Variants in KAZN observed in about 807,000 individuals in gnomAD.
The protein encoded by KAZN is kazrin, periplakin interacting protein, also known as kazrin.
A neutral mutation model predicts 87.4 loss-of-function variants in KAZN; 40 were observed. That is an observed-to-expected ratio of 0.46 (90% CI 0.36 to 0.60). The LOEUF (loss-of-function observed/expected upper bound fraction) is 0.60. Ranked by LOEUF, KAZN falls within the 20% of genes least tolerant of loss-of-function variation. KAZN has a pLI of 0.00. For synonymous variants in KAZN, 466 were observed against 458.3 expected, an observed-to-expected ratio of 1.02 and a Z score of -0.22; for missense variants, 898 against 1,073.9, an observed-to-expected ratio of 0.84 and a Z score of 2.29.
intron 1 of KAZN, among the ~76,000 whole-genome samples, chr1:14,751,611 G>C (rs2100493229): frequency 1.3e-5 from 2 of 152,290 alleles, no homozygotes; most frequent in Middle Eastern, 3.4e-3. Context: ...TCCAGGGCTT[G>C]GACTTGAATC....
chr1:15,112,544 AAGT>A lies in KAZN; in HGVS notation c.2163+4_2163+6del. The A allele has an allele frequency of 6.8e-7, 1 of 1,480,104 alleles. No homozygotes were observed. The highest frequency in any genetic ancestry group is 9.2e-7 in the Non-Finnish European group (1 of 1,090,556). The allele number at this position is 1,480,104 out of a possible 1,614,324, so 91.7% of individuals were successfully genotyped here. On this transcript the variant is annotated splice_donor_5th_base_variant and intron_variant, in intron 14 of 14. Coordinates refer to ENST00000376030, the MANE Select transcript of KAZN (RefSeq NM_201628.3). ...GTCTCAAGTACAAGGCTGGCCGGGT[AAGT>A]CTCTCAATGGATTTACCTGTGAGTC...
chr1:13,902,508 G>A (rs1458672639), intron 1 of KAZN, among the ~76,000 whole-genome samples: 1 of 152,198 alleles, frequency 6.6e-6, no homozygotes, highest in African/African-American at 2.4e-5. Context: ...TTTATCACTT[G>A]TGTTCCCAAA....
intron 2 of KAZN, among the ~76,000 whole-genome samples, chr1:14,588,253 C>A (rs1387059660): frequency 1.3e-5 from 2 of 152,134 alleles, no homozygotes; most frequent in African/African-American, 4.8e-5. Flanking sequence ...TTGAATCTAC[C>A]AGCTCATTTA....
At chr1:14,354,645 GACACACACACACACACAC>G (rs71570202) in intron 2 of KAZN, among the ~76,000 whole-genome samples, 135 of 141,466 alleles carry the variant, frequency 9.5e-4, no homozygotes, top group African/African-American at 3.0e-3. Context: ...AGCTAAATTA[GACACACACACACACACAC>G]ACACACACAC....
At chr1:13,944,517 T>G (rs1641060892) in intron 1 of KAZN, among the ~76,000 whole-genome samples, 1 of 152,228 alleles carries the variant, frequency 6.6e-6, no homozygotes, top group Non-Finnish European at 1.5e-5. Context: ...TATTATGATA[T>G]GTAAGATATA....
At chr1:14,390,312 AG>A (rs1557684262) in intron 2 of KAZN, among the ~76,000 whole-genome samples, 3 of 152,240 alleles carry the variant, frequency 2.0e-5, no homozygotes, top group African/African-American at 7.2e-5. Context: ...AATAAGATTA[AG>A]AAAAATGTAC....
intron 1 of KAZN, among the ~76,000 whole-genome samples, chr1:14,117,241 T>TC (rs971371328): frequency 2.0e-5 from 3 of 152,210 alleles, no homozygotes; most frequent in African/African-American, 7.2e-5. Context: ...CATCCAAATC[T>TC]CATCTTGAAT....
intron 1 of KAZN, among the ~76,000 whole-genome samples, chr1:13,934,122 C>T (rs1640631730): frequency 6.6e-6 from 1 of 152,168 alleles, no homozygotes; most frequent in Non-Finnish European, 1.5e-5. Context: ...AGAATAGATG[C>T]ATAAAATAGA....
At chr1:14,661,283 C>T (rs924819438) in intron 1 of KAZN, among the ~76,000 whole-genome samples, 8 of 152,202 alleles carry the variant, frequency 5.3e-5, no homozygotes, top group Admixed American at 2.6e-4. Context: ...TCCATCTGAG[C>T]GGTCTGTAGC....
chr1:14,888,858 C>T (rs917843016), intron 1 of KAZN, among the ~76,000 whole-genome samples: 3 of 152,186 alleles, frequency 2.0e-5, no homozygotes, highest in Admixed American at 6.5e-5. Flanking sequence ...AAGCCTATAT[C>T]TAGGACATTG....
intron 2 of KAZN, among the ~76,000 whole-genome samples, chr1:14,253,222 A>G (rs1441745606): frequency 6.6e-6 from 1 of 152,026 alleles, no homozygotes; most frequent in East Asian, 1.9e-4. Context: ...TTGGTGAAGC[A>G]CTAAGCTTTT....
intron 1 of KAZN, among the ~76,000 whole-genome samples, chr1:13,989,507 A>G (rs1639181138): frequency 6.6e-6 from 1 of 152,220 alleles, no homozygotes; most frequent in Non-Finnish European, 1.5e-5. Context: ...ATCTGCCTAC[A>G]TAGACATAGG....
At chr1:15,073,637 A>T (rs892456000) in intron 8 of KAZN, among the ~76,000 whole-genome samples, 1 of 152,130 alleles carries the variant, frequency 6.6e-6, no homozygotes, top group African/African-American at 2.4e-5. Flanking sequence ...CTGCAGCAGC[A>T]CCCACACTGC....
intron 2 of KAZN, among the ~76,000 whole-genome samples, chr1:14,334,208 A>C (rs1478971072): frequency 6.6e-6 from 1 of 152,028 alleles, no homozygotes; most frequent in Non-Finnish European, 1.5e-5. Flanking sequence ...TCTACTAAAA[A>C]TACAAAATTA....
intron 2 of KAZN, among the ~76,000 whole-genome samples, chr1:14,265,748 T>C (rs1234965979): frequency 6.6e-6 from 1 of 152,194 alleles, no homozygotes. Context: ...AAAGATGACA[T>C]CATGGCAAAA....
intron 1 of KAZN, among the ~76,000 whole-genome samples, chr1:14,931,631 G>C (rs924245192): frequency 6.6e-6 from 1 of 152,132 alleles, no homozygotes; most frequent in African/African-American, 2.4e-5. Context: ...CAGGAATCTG[G>C]ATTTGTATCA....
At chr1:14,058,351 A>G (rs72641638) in intron 1 of KAZN, among the ~76,000 whole-genome samples, 21,375 of 152,208 alleles carry the variant, frequency 0.14, 1,904 homozygotes, top group Middle Eastern at 0.27. Context: ...AAGTCTTTAA[A>G]AAAACAAAGC....
intron 1 of KAZN, among the ~76,000 whole-genome samples, chr1:14,711,493 C>T (rs1313461506): frequency 2.0e-5 from 3 of 152,158 alleles, no homozygotes; most frequent in South Asian, 2.1e-4. Context: ...CACGCCCTTC[C>T]GCTGGTGTTC....
intron 2 of KAZN, among the ~76,000 whole-genome samples, chr1:14,330,923 T>C (rs1460618931): frequency 6.6e-6 from 1 of 152,204 alleles, no homozygotes; most frequent in African/African-American, 2.4e-5. Flanking sequence ...TTAGGGTATA[T>C]ATAGTTTCAT....
Sources: allele counts gnomAD v4.1 joint callset (sites outside exome capture counted in the v4.1 genomes callset), GRCh38; gene constraint gnomAD v4.1.1; transcripts MANE v1.5; gene names NCBI Gene and HGNC (gene_info 2026-07-23, HGNC 2026-07-21).